NRXN1: variants seen among roughly 807,000 people sequenced by gnomAD.
NRXN1 encodes the protein neurexin 1.
NRXN1 carries 39 observed loss-of-function variants against 150.9 expected under a neutral mutation model. The ratio of observed to expected loss-of-function variants is 0.26; its 90% CI spans 0.20 to 0.34. The LOEUF (loss-of-function observed/expected upper bound fraction) is 0.34. Ranked by LOEUF, NRXN1 falls within the 10% of genes least tolerant of loss-of-function variation. The probability of loss-of-function intolerance (pLI) is 1.00; values close to 1 mark genes in which losing one functional copy is unlikely to be tolerated. For synonymous variants in NRXN1, 924 were observed against 757.0 expected, an observed-to-expected ratio of 1.22 and a Z score of -3.62; for missense variants, 1,815 against 1,949.9, an observed-to-expected ratio of 0.93 and a Z score of 1.30.
chr2:51,029,788 C>T (rs1488048237), intron 1 of NRXN1, among the ~76,000 whole-genome samples: 1 of 152,154 alleles, frequency 6.6e-6, no homozygotes, highest in African/African-American at 2.4e-5. Context: ...TAAAAGAAAA[C>T]CACTAATTGG....
chr2:50,605,086 T>G (rs531286466), intron 8 of NRXN1, among the ~76,000 whole-genome samples: 2 of 152,342 alleles, frequency 1.3e-5, no homozygotes, highest in South Asian at 4.1e-4. Context: ...CAATAAATGC[T>G]ATGATAGAGA....
chr2:50,775,652 C>T (rs1426281011), intron 5 of NRXN1, among the ~76,000 whole-genome samples: 1 of 152,044 alleles, frequency 6.6e-6, no homozygotes, highest in East Asian at 1.9e-4. Context: ...GTGTTCTGTC[C>T]AGGTGGTTGC....
At chr2:50,581,761 A>T (rs1276980333) in intron 8 of NRXN1, among the ~76,000 whole-genome samples, 1 of 152,142 alleles carries the variant, frequency 6.6e-6, no homozygotes, top group African/African-American at 2.4e-5. Context: ...ACAATAAGAC[A>T]TCTAGCTAGA....
At chr2:50,871,400 A>T (rs1677761310) in intron 5 of NRXN1, among the ~76,000 whole-genome samples, 1 of 151,878 alleles carries the variant, frequency 6.6e-6, no homozygotes, top group Non-Finnish European at 1.5e-5. Context: ...CTTTCAATTT[A>T]TTCAGATAAG....
At chr2:50,267,322 T>C (rs1265417786) in intron 17 of NRXN1, among the ~76,000 whole-genome samples, 1 of 152,212 alleles carries the variant, frequency 6.6e-6, no homozygotes, top group Non-Finnish European at 1.5e-5. Context: ...TTCTCAGAAA[T>C]ACTATGTTAA....
At chr2:49,930,251 C>T (rs1210148026) in intron 22 of NRXN1, among the ~76,000 whole-genome samples, 1 of 151,970 alleles carries the variant, frequency 6.6e-6, no homozygotes, top group Admixed American at 6.6e-5. Flanking sequence ...AAAAGATGAG[C>T]GTATTTAACC....
In NRXN1 at chr2:50,808,184, T is replaced by A. The variant is rs62140620; in HGVS notation, c.832+113685A>T. Among the ~76,000 whole-genome samples, 13 of 151,910 alleles carry A rather than the reference T, an allele frequency of 8.6e-5. No homozygotes were observed. The South Asian group carries it at 2.7e-3, about 32-fold the overall frequency. ...AGTACAGTGTTAAAACTATTGTAAA[T>A]AGTTTCCGGGGCAAGTATAGACTGA... is the stretch of plus-strand genomic sequence containing the variant. On this transcript the variant is annotated intron_variant, in intron 5 of 22. Transcript: ENST00000401669.
intron 2 of NRXN1, among the ~76,000 whole-genome samples, chr2:50,985,770 G>A (rs1052532233): frequency 1.3e-5 from 2 of 151,448 alleles, no homozygotes; most frequent in Admixed American, 6.6e-5. Context: ...GGAAAAGACT[G>A]ATACATTTAC....
At chr2:50,848,448 G>A (rs1216030478) in intron 5 of NRXN1, among the ~76,000 whole-genome samples, 8 of 152,070 alleles carry the variant, frequency 5.3e-5, no homozygotes, top group Admixed American at 4.6e-4. Context: ...ATATGTTAGC[G>A]GAGCTGCCCC....
intron 5 of NRXN1, among the ~76,000 whole-genome samples, chr2:50,665,154 A>G (rs1401177): frequency 0.51 from 76,803 of 151,670 alleles, 19,834 homozygotes; most frequent in East Asian, 0.82. Context: ...GTGACCTACA[A>G]TAAGGTCAGC....
chr2:50,614,735 A>G (rs1289415324), intron 8 of NRXN1, among the ~76,000 whole-genome samples: 1 of 104,762 alleles, frequency 9.5e-6, no homozygotes, highest in Non-Finnish European at 1.9e-5. Context: ...CAGCCATTCA[A>G]AAAAAAAAAA....
chr2:51,004,094 T>C (rs17514766), intron 2 of NRXN1, among the ~76,000 whole-genome samples: 34,698 of 151,568 alleles, frequency 0.23, 4,219 homozygotes, highest in Non-Finnish European at 0.28. Context: ...TTAGAAGACA[T>C]TGAACCATAT....
intron 5 of NRXN1, among the ~76,000 whole-genome samples, chr2:50,695,659 T>C (rs575857589): frequency 6.6e-6 from 1 of 152,178 alleles, no homozygotes; most frequent in East Asian, 1.9e-4. Flanking sequence ...ATGTTAATAG[T>C]TCTAAGAAGG....
At position 51,021,545 on chromosome 2, in the gene NRXN1, T is replaced by A. The variant is rs187804105; in HGVS notation, c.772+5957A>T. 9.6e-3 allele frequency among the ~76,000 whole-genome samples: 1,310 copies of A among 137,082 alleles called. 23 individuals are homozygous for A. Among genetic ancestry groups the A allele is most frequent in the African/African-American group, 0.031 (1,223 of 40,024 alleles). 89.9% of individuals were successfully genotyped at this position (137,082 alleles called of 152,430 possible). On this transcript the variant is annotated intron_variant, in intron 2 of 22. Transcript: ENST00000401669. ...TCCAAAACTGAACATATCAGTGACA[T>A]GTATACATATATATATATATACACA...
chr2:50,675,034 G>A (rs967645586), intron 5 of NRXN1, among the ~76,000 whole-genome samples: 5 of 151,670 alleles, frequency 3.3e-5, no homozygotes, highest in East Asian at 2.0e-4. Flanking sequence ...AAAAGAGCCC[G>A]ACACCTCTTC....
intron 16 of NRXN1, 104 bp from the exon 17 acceptor site, chr2:50,465,665 T>C (rs2088754965): frequency 8.1e-7 from 1 of 1,231,534 alleles, no homozygotes; most frequent in South Asian, 1.9e-5. Flanking sequence ...ACAGATGATA[T>C]GTCCAAACTA....
intron 21 of NRXN1, among the ~76,000 whole-genome samples, chr2:50,020,488 C>T (rs1249035853): frequency 1.3e-5 from 2 of 152,204 alleles, no homozygotes; most frequent in African/African-American, 4.8e-5. Flanking sequence ...GCCAGACAGG[C>T]TTATCCTCAG....
At chr2:49,951,770 A>G (rs1448225741) in intron 21 of NRXN1, among the ~76,000 whole-genome samples, 1 of 152,166 alleles carries the variant, frequency 6.6e-6, no homozygotes, top group Non-Finnish European at 1.5e-5. Flanking sequence ...CTGTATCAAC[A>G]TGAGTATCTA....
chr2:50,717,951 A>G (rs1696083840), intron 5 of NRXN1, among the ~76,000 whole-genome samples: 1 of 152,208 alleles, frequency 6.6e-6, no homozygotes, highest in African/African-American at 2.4e-5. Flanking sequence ...ATTGAGGGTT[A>G]GGATTTCCAC....
Sources: gnomAD v4.1 joint callset for allele counts (sites outside exome capture counted in the v4.1 genomes callset) on GRCh38, gnomAD v4.1.1 for gene constraint, MANE v1.5 for transcripts, NCBI Gene and HGNC (gene_info 2026-07-23, HGNC 2026-07-21) for gene names.